The following ZNF592 variants were observed in gnomAD, a reference collection of about 807,000 sequenced individuals.
ZNF592 encodes zinc finger protein 592.
ZNF592 carries 11 observed loss-of-function variants against 80.3 expected under a neutral mutation model. That is an observed-to-expected ratio of 0.14 (90% CI 0.09 to 0.23). ZNF592 has a LOEUF of 0.23. Ranked by LOEUF, ZNF592 falls within the 10% of genes least tolerant of loss-of-function variation. ZNF592 has a pLI of 1.00. For missense variants in ZNF592, 1,420 were observed against 1,633.9 expected (o/e 0.87, Z 2.26); for synonymous variants, 646 against 640.3 (o/e 1.01, Z -0.13).
At chr15:84,777,632 T>C (rs757962805) in intron 2 of ZNF592, among the ~76,000 whole-genome samples, 8 of 150,710 alleles carry the variant, frequency 5.3e-5, no homozygotes, top group Non-Finnish European at 1.0e-4. Flanking sequence ...ATTTGAAACA[T>C]AGTTTGAATA....
At chr15:84,771,366 G>C (rs763794244) in intron 2 of ZNF592, among the ~76,000 whole-genome samples, 1 of 152,118 alleles carries the variant, frequency 6.6e-6, no homozygotes, top group Non-Finnish European at 1.5e-5. Flanking sequence ...GGAGTTCTTA[G>C]GTTTGTGTTT....
chr15:84,767,598 G>T (rs1431778945), intron 2 of ZNF592, among the ~76,000 whole-genome samples: 16 of 152,080 alleles, frequency 1.1e-4, no homozygotes. Context: ...GGTAAAGGGG[G>T]TACGGGTTAC....
chr15:84,767,078 T>G (rs1371380423), intron 2 of ZNF592, among the ~76,000 whole-genome samples: 1 of 152,218 alleles, frequency 6.6e-6, no homozygotes, highest in Non-Finnish European at 1.5e-5. Flanking sequence ...CACTACAGCC[T>G]TCGCCTCTGG....
intron 2 of ZNF592, among the ~76,000 whole-genome samples, chr15:84,766,709 G>A (rs1358779982): frequency 2.9e-5 from 3 of 104,596 alleles, no homozygotes; most frequent in Non-Finnish European, 6.5e-5. Context: ...GAGAAAGAGT[G>A]TGTGTGTGTG....
chr15:84,750,379 A>T (rs770737047), intron 1 of ZNF592, among the ~76,000 whole-genome samples: 3 of 152,234 alleles, frequency 2.0e-5, no homozygotes, highest in African/African-American at 4.8e-5. Flanking sequence ...ATTGTTCTAG[A>T]TGCAGTGAAC....
rs772928025 is a variant in ZNF592 at position 84,783,189 on chromosome 15, C to A, written c.514C>A (p.Pro172Thr). 8.1e-6 allele frequency: 13 copies of A among 1,614,062 alleles called. No homozygotes were observed. In the African/African-American group the frequency reaches 1.2e-4, roughly 15 times the overall value. ...PKHSDSYFPP[P>T]LGCGAVGGPV... ...ACACTCTGACAGTTATTTCCCACCC[C>A]CTCTTGGGTGCGGGGCTGTGGGAGG... The change falls in exon 4 of 11, where the codon CCT (proline) becomes ACT (threonine). Residue 172 changes from proline to threonine, a missense_variant. Physicochemically the swap from Pro to Thr is conservative, Grantham distance 38. Around this residue, in one of 7 missense-constraint regions of ZNF592, gnomAD observed 373 missense variants for 355.5 expected, o/e 1.05. Coordinates refer to ENST00000560079, the MANE Select transcript of ZNF592 (RefSeq NM_014630.3). The surrounding 1 kb of genome is among the most constrained non-coding windows in gnomAD (Gnocchi z 5.0).
rs1221915498 is a variant in ZNF592 at position 84,783,085 on chromosome 15, C to T, written c.410C>T (p.Thr137Ile). ...LEPPKSEPLP[T>I]FNQFSPISSP... ...CCTCCCAAGTCAGAGCCATTACCCA[C>T]CTTCAACCAGTTCAGTCCAATCTCC... is the stretch of plus-strand genomic sequence containing the variant. Residue 137 changes from threonine to isoleucine, a missense_variant, in exon 4 of 11, where the codon ACC becomes ATC. Around this residue, in one of 7 missense-constraint regions of ZNF592, gnomAD observed 373 missense variants for 355.5 expected, o/e 1.05. Transcript: ENST00000560079. The surrounding 1 kb of genome is among the most constrained non-coding windows in gnomAD (Gnocchi z 5.0). 1.2e-6 allele frequency: 2 copies of T among 1,614,190 alleles called. No individual in the cohort carries two copies. Among genetic ancestry groups the T allele is most frequent in the Non-Finnish European group, 1.7e-6 (2 of 1,180,030 alleles).
At chr15:84,759,944 T>C (rs1419414137) in intron 1 of ZNF592, among the ~76,000 whole-genome samples, 1 of 124,334 alleles carries the variant, frequency 8.0e-6, no homozygotes, top group African/African-American at 3.3e-5. Context: ...TCTTTAAGGA[T>C]TGGGGAGATT....
intron 1 of ZNF592, among the ~76,000 whole-genome samples, chr15:84,753,841 A>G (rs1413717336): frequency 1.3e-5 from 2 of 152,136 alleles, no homozygotes; most frequent in Non-Finnish European, 2.9e-5. Context: ...TGAATAGGAG[A>G]GAGTTCTGAA....
chr15:84,796,504 G>C (rs530650521), intron 5 of ZNF592, among the ~76,000 whole-genome samples: 1 of 151,616 alleles, frequency 6.6e-6, no homozygotes, highest in Non-Finnish European at 1.5e-5. Context: ...GTGTTCTTGG[G>C]CAGGAGGAAA....
At chr15:84,795,914 G>C (rs1262275915) in intron 5 of ZNF592, among the ~76,000 whole-genome samples, 1 of 151,886 alleles carries the variant, frequency 6.6e-6, no homozygotes. Context: ...AAAAAAGATT[G>C]TTCAGGATTC....
At chr15:84,770,048 G>T (rs556334781) in intron 2 of ZNF592, among the ~76,000 whole-genome samples, 22 of 152,360 alleles carry the variant, frequency 1.4e-4, no homozygotes, top group African/African-American at 5.3e-4. Context: ...GGGAACACAG[G>T]AGAGAGATGA....
At chr15:84,792,651 C>T (rs980385184) in intron 5 of ZNF592, among the ~76,000 whole-genome samples, 3 of 152,134 alleles carry the variant, frequency 2.0e-5, no homozygotes, top group Admixed American at 1.3e-4. Context: ...AGGGTTTCAC[C>T]ATGTTGCCCA....
intron 3 of ZNF592, among the ~76,000 whole-genome samples, chr15:84,782,005 C>A (rs1379874165): frequency 6.6e-6 from 1 of 152,176 alleles, no homozygotes; most frequent in Non-Finnish European, 1.5e-5. Flanking sequence ...TCACCCTGTT[C>A]CTCAGGTTTA....
chr15:84,802,624 G>C lies in ZNF592; in HGVS notation c.*231G>C. ...TTGCTTCTGTTATTTATGGCTTTTC[G>C]CTGCTTCTTGGTGCCCCATCTCTTG... On this transcript the variant is annotated 3_prime_UTR_variant, in exon 11 of 11. Coordinates refer to ENST00000560079, the MANE Select transcript of ZNF592 (RefSeq NM_014630.3). 1.7e-6 allele frequency: 1 copy of C among 585,938 alleles called. No homozygotes were observed. The highest frequency in any genetic ancestry group is 3.0e-6 in the Non-Finnish European group (1 of 329,146). The allele number at this position is 585,938 out of a possible 1,614,324, so 36.3% of individuals were successfully genotyped here.
In ZNF592 at chr15:84,798,692, A is replaced by G. The variant is rs1439005655; in HGVS notation, c.2841A>G (p.Pro947=). 6.2e-7 allele frequency: 1 copy of G among 1,613,654 alleles called. No homozygotes were observed. Among genetic ancestry groups the G allele is most frequent in the Non-Finnish European group, 8.5e-7 (1 of 1,180,038 alleles). The change falls in exon 8 of 11, where the codon CCA becomes CCG. Residue 947 remains proline, a synonymous_variant. Transcript: ENST00000560079. This position sits in a 1 kb window ranked among gnomAD's most constrained non-coding sequence, Gnocchi z 4.5. ...RPGSRVPTEP[P]ATSVAARSSS... ...GCTCTCGAGTTCCCACTGAGCCACC[A>G]GCCACTAGTGTGGCTGCTCGGAGCA...
chr15:84,795,155 TTC>T (rs1962859270), intron 5 of ZNF592, among the ~76,000 whole-genome samples: 1 of 151,802 alleles, frequency 6.6e-6, no homozygotes, highest in Non-Finnish European at 1.5e-5. Context: ...TCATAAATTA[TTC>T]TGTTCTTTAT....
At chr15:84,800,030 C>A (rs1963046325) in intron 10 of ZNF592, 53 bp downstream of exon 10, 2 of 1,613,184 alleles carry the variant, frequency 1.2e-6, no homozygotes, top group Non-Finnish European at 1.7e-6. Flanking sequence ...AGGCTTGGAG[C>A]TGGAAGGGCA....
intron 3 of ZNF592, among the ~76,000 whole-genome samples, chr15:84,780,418 A>G (rs535079174): frequency 6.6e-6 from 1 of 152,212 alleles, no homozygotes; most frequent in South Asian, 2.1e-4. Context: ...TTGAGTGCCC[A>G]CTGTTTTCAG....
Sources: allele counts gnomAD v4.1 joint callset (sites outside exome capture counted in the v4.1 genomes callset), GRCh38; gene constraint gnomAD v4.1.1; regional missense constraint gnomAD v4.1.1; non-coding constraint Gnocchi (gnomAD v3.1); transcripts MANE v1.5; gene names NCBI Gene and HGNC (gene_info 2026-07-23, HGNC 2026-07-21).